UBE2E2: variants seen among roughly 807,000 people sequenced by gnomAD.
UBE2E2 encodes ubiquitin-conjugating enzyme E2 E2.
Under a neutral mutation model 24.7 loss-of-function variants are expected in UBE2E2, and 6 were observed. The observed-to-expected ratio is 0.24, with a 90% CI of 0.13 to 0.48. The LOEUF (loss-of-function observed/expected upper bound fraction) is 0.48. Ranked by LOEUF, UBE2E2 falls within the 20% of genes least tolerant of loss-of-function variation. The pLI is 0.99. For synonymous variants in UBE2E2, 104 were observed against 83.6 expected, an observed-to-expected ratio of 1.24 and a Z score of -1.33; for missense variants, 169 against 245.0, an observed-to-expected ratio of 0.69 and a Z score of 2.07.
intron 3 of UBE2E2, among the ~76,000 whole-genome samples, chr3:23,471,783 A>C (rs1387091077): frequency 6.6e-6 from 1 of 152,226 alleles, no homozygotes; most frequent in African/African-American, 2.4e-5. Context: ...AGTCCATATA[A>C]AAAGTGGGCA....
chr3:23,255,382 C>A (rs1355258938), intron 3 of UBE2E2, among the ~76,000 whole-genome samples: 6 of 151,920 alleles, frequency 3.9e-5, no homozygotes, highest in African/African-American at 1.2e-4. Context: ...GCGTGAGCTA[C>A]CATGCCAGGA....
intron 5 of UBE2E2, among the ~76,000 whole-genome samples, chr3:23,567,037 T>G (rs1292530175): frequency 6.6e-6 from 1 of 152,170 alleles, no homozygotes; most frequent in Non-Finnish European, 1.5e-5. Flanking sequence ...TCCAGACCAG[T>G]CTTAGTGAGG....
intron 3 of UBE2E2, among the ~76,000 whole-genome samples, chr3:23,345,737 AT>A (rs1695538149): frequency 6.6e-6 from 1 of 152,236 alleles, no homozygotes. Flanking sequence ...CATGTTAAGC[AT>A]TTAAATTGCC....
chr3:23,546,847 G>T (rs968659319), intron 5 of UBE2E2, among the ~76,000 whole-genome samples: 1 of 151,992 alleles, frequency 6.6e-6, no homozygotes, highest in African/African-American at 2.4e-5. Context: ...GATTATAGTG[G>T]TGAAAACAGA....
At position 23,243,394 on chromosome 3, in the gene UBE2E2, A is replaced by T. The variant is rs571881551; in HGVS notation, c.227+26082A>T. Among the ~76,000 whole-genome samples the T allele has an allele frequency of 3.9e-5, 6 of 152,310 alleles. No homozygotes were observed. In the South Asian group the frequency reaches 1.2e-3, roughly 32 times the overall value. On this transcript the variant is annotated intron_variant, in intron 3 of 5. Transcript: ENST00000396703. ...CATTTTGTTTTTCTAAATACATTCAATCTCTGAGCCTCAGTGTTCCCCTCA... is the reference window on the plus strand; with the variant it reads ...CATTTTGTTTTTCTAAATACATTCATTCTCTGAGCCTCAGTGTTCCCCTCA...
At chr3:23,383,810 T>G (rs1008570580) in intron 3 of UBE2E2, among the ~76,000 whole-genome samples, 4 of 152,154 alleles carry the variant, frequency 2.6e-5, no homozygotes, top group Admixed American at 6.5e-5. Flanking sequence ...TAAGTTATTC[T>G]TTGTTATTGT....
chr3:23,278,173 C>T (rs773019833), intron 3 of UBE2E2, among the ~76,000 whole-genome samples: 1 of 152,070 alleles, frequency 6.6e-6, no homozygotes, highest in African/African-American at 2.4e-5. Flanking sequence ...AATCAACACT[C>T]ATCAAAGTAT....
rs182826716 is a variant in UBE2E2 at position 23,529,979 on chromosome 3, T to C, written c.361-2575T>C. Among the ~76,000 whole-genome samples the C allele has an allele frequency of 1.5e-3, 226 of 152,356 alleles. 1 individual carries two copies. Among genetic ancestry groups the C allele is most frequent in the African/African-American group, 5.1e-3 (212 of 41,586 alleles). ...TTAGCTGAGTCACAAAATTTTGATA[T>C]TGGCAACCCAATATTTTCATTGTCA... On this transcript the variant is annotated intron_variant, in intron 4 of 5. Transcript: ENST00000396703.
rs1699091847 is a variant in UBE2E2 at position 23,474,712 on chromosome 3, C to T, written c.228-24896C>T. Among the ~76,000 whole-genome samples the T allele has an allele frequency of 1.3e-5, 2 of 152,054 alleles. No individual in the cohort carries two copies. Among genetic ancestry groups the T allele is most frequent in the South Asian group, 4.1e-4 (2 of 4,826 alleles). On this transcript the variant is annotated intron_variant, in intron 3 of 5. Transcript: ENST00000396703. This position sits in a 1 kb window ranked among gnomAD's most constrained non-coding sequence, Gnocchi z 4.0. ...AATAATGCGTTAGACCAATTACAGT[C>T]TTACACAGTCTTCATCTTCCTCCCC...
intron 3 of UBE2E2, among the ~76,000 whole-genome samples, chr3:23,456,407 G>A (rs1698681463): frequency 6.6e-6 from 1 of 152,214 alleles, no homozygotes; most frequent in African/African-American, 2.4e-5. Flanking sequence ...ACTTTGCCCA[G>A]ATCCATCAGA....
chr3:23,441,914 C>T (rs1298394728), intron 3 of UBE2E2, among the ~76,000 whole-genome samples: 2 of 151,946 alleles, frequency 1.3e-5, no homozygotes, highest in Non-Finnish European at 2.9e-5. Flanking sequence ...TATTCAAAGA[C>T]GTTTCATATT....
chr3:23,342,078 A>G (rs900687372), intron 3 of UBE2E2, among the ~76,000 whole-genome samples: 1 of 152,212 alleles, frequency 6.6e-6, no homozygotes, highest in African/African-American at 2.4e-5. Flanking sequence ...TTTCAAATTC[A>G]TTTAGGTTAG....
In UBE2E2 at chr3:23,352,091, G is replaced by A. The variant is rs561860960; in HGVS notation, c.227+134779G>A. Among the ~76,000 whole-genome samples the A allele has an allele frequency of 1.8e-3, 273 of 152,174 alleles. 1 individual carries two copies. Among genetic ancestry groups the A allele is most frequent in the African/African-American group, 4.9e-3 (204 of 41,504 alleles). ...AGGATTAAGAAACTCACTCAAAACC[G>A]TGCAACTACATGGAAACTGAACATC... On this transcript the variant is annotated intron_variant, in intron 3 of 5. Transcript: ENST00000396703.
rs1288153408 is a variant in UBE2E2, at chr3:23,280,119, CT to C, written c.227+62813del. On this transcript the variant is annotated intron_variant, in intron 3 of 5. Coordinates refer to ENST00000396703, the MANE Select transcript of UBE2E2 (RefSeq NM_152653.4). This position sits in a 1 kb window ranked among gnomAD's most constrained non-coding sequence, Gnocchi z 4.3. ...AGGTTCAAATTACTGATATCACATT[CT>C]TTTTTGAGGAAGCTTTTATAGAGAA... Among the ~76,000 whole-genome samples, 1 of 152,116 alleles carries C rather than the reference CT, an allele frequency of 6.6e-6. No homozygotes were observed. The highest frequency in any genetic ancestry group is 1.5e-5 in the Non-Finnish European group (1 of 68,016).
intron 3 of UBE2E2, among the ~76,000 whole-genome samples, chr3:23,464,481 A>G (rs1698881411): frequency 6.6e-6 from 1 of 152,164 alleles, no homozygotes; most frequent in African/African-American, 2.4e-5. Context: ...CTAAAACCTA[A>G]TAAGAATAGG....
At chr3:23,518,635 C>G in intron 4 of UBE2E2, among the ~76,000 whole-genome samples, 1 of 152,276 alleles carries the variant, frequency 6.6e-6, no homozygotes. Flanking sequence ...TTTCCCCTCT[C>G]CGATATTCTC....
At chr3:23,401,895 T>A (rs1396331808) in intron 3 of UBE2E2, among the ~76,000 whole-genome samples, 2 of 138,946 alleles carry the variant, frequency 1.4e-5, no homozygotes, top group Admixed American at 7.5e-5. Context: ...TCTCGCTGTG[T>A]CACCCAGGCT....
chr3:23,274,495 G>A (rs1698330700), intron 3 of UBE2E2, among the ~76,000 whole-genome samples: 1 of 151,920 alleles, frequency 6.6e-6, no homozygotes, highest in African/African-American at 2.4e-5. Flanking sequence ...ACCTGGGACT[G>A]TAGGCGCGCA....
chr3:23,471,941 T>TA (rs5847234), intron 3 of UBE2E2, among the ~76,000 whole-genome samples: 76,484 of 141,800 alleles, frequency 0.54, 21,264 homozygotes, highest in African/African-American at 0.73. Context: ...AAAACATCTT[T>TA]AAAAAAAAAA....
Sources: gnomAD v4.1 joint callset for allele counts (sites outside exome capture counted in the v4.1 genomes callset) on GRCh38, gnomAD v4.1.1 for gene constraint, Gnocchi (gnomAD v3.1) non-coding constraint, MANE v1.5 for transcripts, NCBI Gene and HGNC (gene_info 2026-07-23, HGNC 2026-07-21) for gene names.